LDLRAP1: variants seen among roughly 807,000 people sequenced by gnomAD.
The protein encoded by LDLRAP1 is low density lipoprotein receptor adaptor protein 1.
LDLRAP1 carries 30 observed loss-of-function variants against 37.8 expected under a neutral mutation model. The observed-to-expected ratio is 0.79, with a 90% CI of 0.59 to 1.08. LDLRAP1 has a LOEUF of 1.08. Ranked by LOEUF, LDLRAP1 falls within the 50% of genes least tolerant of loss-of-function variation. The probability of loss-of-function intolerance (pLI) is 0.00; values close to 1 mark genes in which losing one functional copy is unlikely to be tolerated. For missense variants in LDLRAP1, 375 were observed against 401.6 expected (o/e 0.93, Z 0.57); for synonymous variants, 156 against 169.8 (o/e 0.92, Z 0.63).
the LDLRAP1 span, among the ~76,000 whole-genome samples, chr1:25,580,610 G>T: frequency 6.6e-6 from 1 of 152,140 alleles, no homozygotes; most frequent in Non-Finnish European, 1.5e-5. Context: ...CTGGGATCAG[G>T]TGATCCTCCC....
rs769224152 is a variant in LDLRAP1, at chr1:25,557,145, C to T, written c.345-8C>T. Reference sequence around the variant, plus strand: ...CAGGTCTGGTGATGCTTCCTCCTTGCCTTTCAGGATCTCCTATTGCACAGC... The same window carrying T: ...CAGGTCTGGTGATGCTTCCTCCTTGTCTTTCAGGATCTCCTATTGCACAGC... On this transcript the variant is annotated splice_polypyrimidine_tract_variant and splice_region_variant and intron_variant, in intron 3 of 8. Coordinates refer to ENST00000374338, the MANE Select transcript of LDLRAP1 (RefSeq NM_015627.3). 6.2e-6 allele frequency: 10 copies of T among 1,608,342 alleles called. No individual in the cohort carries two copies. Among genetic ancestry groups the T allele is most frequent in the Non-Finnish European group, 8.5e-6 (10 of 1,174,764 alleles).
At chr1:25,570,201 T>C (rs2044584734), downstream of LDLRAP1, among the ~76,000 whole-genome samples, 1 of 152,212 alleles carries the variant, frequency 6.6e-6, no homozygotes, top group South Asian at 2.1e-4. Flanking sequence ...CTTTCTTCTT[T>C]CCCTCATAAT....
chr1:25,555,048 C>A lies in LDLRAP1; in HGVS notation c.344+76C>A. 1 of 1,050,204 alleles carries A rather than the reference C, an allele frequency of 9.5e-7. No homozygotes were observed. The highest frequency in any genetic ancestry group is 1.5e-6 in the Non-Finnish European group (1 of 675,662). 65.1% of individuals were successfully genotyped at this position (1,050,204 alleles called of 1,614,324 possible). Reference sequence around the variant, plus strand: ...GTGGAGTATCCCATCTGAATCCAGGCTCTACCACTTCCTACCTGGGTGACA... The same window carrying A: ...GTGGAGTATCCCATCTGAATCCAGGATCTACCACTTCCTACCTGGGTGACA... On this transcript the variant is annotated intron_variant, in intron 3 of 8. Transcript: ENST00000374338. The surrounding 1 kb of genome is among the most constrained non-coding windows in gnomAD (Gnocchi z 4.7).
intron 7 of LDLRAP1, 121 bp downstream of exon 7, chr1:25,563,912 C>T: frequency 7.5e-7 from 1 of 1,329,574 alleles, no homozygotes; most frequent in Non-Finnish European, 1.1e-6. Flanking sequence ...AGGACCAGAC[C>T]CAGCCCGGTA....
intron 4 of LDLRAP1, among the ~76,000 whole-genome samples, chr1:25,560,600 TC>T (rs751192207): frequency 6.6e-5 from 10 of 152,240 alleles, no homozygotes; most frequent in Non-Finnish European, 1.5e-4. Flanking sequence ...GGCTGCTCCC[TC>T]CCCCATGACC....
the LDLRAP1 span, among the ~76,000 whole-genome samples, chr1:25,574,078 G>A: frequency 6.6e-6 from 1 of 152,362 alleles, no homozygotes; most frequent in African/African-American, 2.4e-5. Flanking sequence ...GGTCAGAGTT[G>A]GACAGAGTGC....
chr1:25,586,542 G>A, the LDLRAP1 span, among the ~76,000 whole-genome samples: 1 of 151,554 alleles, frequency 6.6e-6, no homozygotes, highest in African/African-American at 2.4e-5. This position sits in a 1 kb window ranked among gnomAD's most constrained non-coding sequence, Gnocchi z 4.3. Flanking sequence ...GTGCGTATGT[G>A]TGCATGTGTG....
Position 25,543,646 on chromosome 1 carries a change from T to C in LDLRAP1, c.-53T>C. The C allele has an allele frequency of 3.4e-6, 4 of 1,175,296 alleles. No homozygotes were observed. The highest frequency in any genetic ancestry group is 3.2e-6 in the Non-Finnish European group (3 of 943,620). The allele number at this position is 1,175,296 out of a possible 1,614,324, so 72.8% of individuals were successfully genotyped here. ...CGCGCCGCAGGGCCGGGCGGAAAGT[T>C]TTTCCTGACGGAGTTTTGGCTGCGG... is the stretch of plus-strand genomic sequence containing the variant. On this transcript the variant is annotated 5_prime_UTR_variant, in exon 1 of 9. Coordinates refer to ENST00000374338, the MANE Select transcript of LDLRAP1 (RefSeq NM_015627.3).
At chr1:25,557,077 A>G (rs2044217659) in intron 3 of LDLRAP1, 76 bp from the exon 4 acceptor site, 2 of 1,048,596 alleles carry the variant, frequency 1.9e-6, no homozygotes, top group Non-Finnish European at 1.5e-6. Flanking sequence ...AACTCAGGGG[A>G]GCTGCCCTGC....
the LDLRAP1 span, among the ~76,000 whole-genome samples, chr1:25,584,632 A>G: frequency 6.6e-6 from 1 of 152,090 alleles, no homozygotes; most frequent in South Asian, 2.1e-4. Flanking sequence ...GGTGGGGAAG[A>G]GGAGAGAAAA....
intron 1 of LDLRAP1, 63 bp downstream of exon 1, chr1:25,543,849 G>C (rs1355276949): frequency 6.4e-6 from 7 of 1,102,272 alleles, no homozygotes; most frequent in Non-Finnish European, 6.8e-6. Context: ...GGGCCTCCGC[G>C]GGCGCCCGGA....
At chr1:25,569,408 G>T (rs1470069523), downstream of LDLRAP1, among the ~76,000 whole-genome samples, 4 of 152,140 alleles carry the variant, frequency 2.6e-5, no homozygotes, top group African/African-American at 9.7e-5. Context: ...TTGGGGGATG[G>T]TGGGAAGTAT....
At chr1:25,560,844 G>T (rs1050051997) in intron 4 of LDLRAP1, among the ~76,000 whole-genome samples, 1 of 152,224 alleles carries the variant, frequency 6.6e-6, no homozygotes, top group Non-Finnish European at 1.5e-5. Context: ...GCCTGGGCAG[G>T]CCTGAGCAGT....
intron 1 of LDLRAP1, 131 bp downstream of exon 1, chr1:25,543,917 CTT>C (rs1180094552): frequency 8.2e-6 from 4 of 486,186 alleles, no homozygotes; most frequent in Middle Eastern, 6.4e-4. Context: ...CGGCGTGGCC[CTT>C]TCCCGGCCCT....
At chr1:25,556,819 G>A (rs543937249) in intron 3 of LDLRAP1, among the ~76,000 whole-genome samples, 13 of 152,372 alleles carry the variant, frequency 8.5e-5, no homozygotes, top group African/African-American at 2.6e-4. Flanking sequence ...CACATGAGGT[G>A]AGGTCTAGAA....
At chr1:25,552,740 G>A (rs1407678227) in intron 1 of LDLRAP1, among the ~76,000 whole-genome samples, 1 of 152,188 alleles carries the variant, frequency 6.6e-6, no homozygotes, top group Non-Finnish European at 1.5e-5. Context: ...TTGCCCTCAT[G>A]CCCATTTGCC....
chr1:25,577,579 G>T, the LDLRAP1 span, among the ~76,000 whole-genome samples: 1 of 152,228 alleles, frequency 6.6e-6, no homozygotes, highest in Non-Finnish European at 1.5e-5. Flanking sequence ...GCTTTCTACA[G>T]CAGGGAGGCC....
chr1:25,580,306 G>A, the LDLRAP1 span, among the ~76,000 whole-genome samples: 1 of 152,150 alleles, frequency 6.6e-6, no homozygotes, highest in Admixed American at 6.5e-5. Flanking sequence ...GCTCCTGCCT[G>A]TAATCCCAGC....
chr1:25,559,808 C>T (rs573427606), intron 4 of LDLRAP1, among the ~76,000 whole-genome samples: 16 of 152,304 alleles, frequency 1.1e-4, no homozygotes, highest in African/African-American at 2.4e-4. Context: ...GGAATAGCTG[C>T]GTCAGCCTCC....
Sources: allele counts gnomAD v4.1 joint callset (sites outside exome capture counted in the v4.1 genomes callset), GRCh38; gene constraint gnomAD v4.1.1; non-coding constraint Gnocchi (gnomAD v3.1); transcripts MANE v1.5; gene names NCBI Gene and HGNC (gene_info 2026-07-23, HGNC 2026-07-21).